EVI5: variants seen among roughly 807,000 people sequenced by gnomAD.
EVI5 encodes the protein ecotropic viral integration site 5 protein homolog.
A neutral mutation model predicts 112.0 loss-of-function variants in EVI5; 73 were observed. That is an observed-to-expected ratio of 0.65 (90% CI 0.54 to 0.79). The LOEUF is 0.79. EVI5 is among the 30% of genes least tolerant of loss of function. The pLI is 0.00. For missense variants in EVI5, 900 were observed against 968.8 expected (o/e 0.93, Z 0.94); for synonymous variants, 305 against 319.9 (o/e 0.95, Z 0.50).
intron 13 of EVI5, among the ~76,000 whole-genome samples, chr1:92,639,383 G>A (rs1204363248): frequency 6.6e-6 from 1 of 151,658 alleles, no homozygotes; most frequent in East Asian, 1.9e-4. Flanking sequence ...TGTATTGGGG[G>A]AAGTTTCTCA....
intron 19 of EVI5, among the ~76,000 whole-genome samples, chr1:92,561,711 C>T (rs981254627): frequency 1.3e-5 from 2 of 151,938 alleles, no homozygotes; most frequent in Non-Finnish European, 2.9e-5. Context: ...GATCTCAGCT[C>T]ACTGCAACCT....
Position 92,624,269 on chromosome 1 carries a change from T to C in EVI5, c.1734A>G (p.Leu578=). The change falls in exon 16 of 20, where the codon TTA becomes TTG. Residue 578 remains leucine, a synonymous_variant. Coordinates refer to ENST00000684568, the MANE Select transcript of EVI5 (RefSeq NM_001350197.2). ...DPPKKNAMNE[L]QDELMTIRLR... is the part of the protein sequence containing the mutation. ...GTCGAATGGTCATCAGTTCATCTTG[T>C]AACTCATTCATAGCATTTTTCTTGG... The C allele has an allele frequency of 6.2e-7, 1 of 1,611,978 alleles. No homozygotes were observed. Among genetic ancestry groups the C allele is most frequent in the Non-Finnish European group, 8.5e-7 (1 of 1,178,040 alleles).
At chr1:92,572,360 G>A (rs1489864861) in intron 18 of EVI5, among the ~76,000 whole-genome samples, 1 of 152,106 alleles carries the variant, frequency 6.6e-6, no homozygotes, top group African/African-American at 2.4e-5. Context: ...GTTTATAGGT[G>A]TTCACTGTAC....
At chr1:92,619,138 T>A (rs1049871584) in intron 16 of EVI5, among the ~76,000 whole-genome samples, 1 of 152,150 alleles carries the variant, frequency 6.6e-6, no homozygotes, top group Admixed American at 6.5e-5. Flanking sequence ...ATCCCGGATG[T>A]GTCTGTGAGG....
upstream of EVI5, among the ~76,000 whole-genome samples, chr1:92,789,549 A>G (rs1685933505): frequency 6.6e-6 from 1 of 152,056 alleles, no homozygotes; most frequent in Non-Finnish European, 1.5e-5. Flanking sequence ...TGATCCGCCC[A>G]CCTCAGCCTC....
intron 18 of EVI5, among the ~76,000 whole-genome samples, chr1:92,594,221 T>C (rs1045514411): frequency 6.6e-6 from 1 of 152,078 alleles, no homozygotes; most frequent in African/African-American, 2.4e-5. Context: ...AACAGAGATA[T>C]AGATTAATGG....
At chr1:92,770,472 A>G (rs927616245) in intron 1 of EVI5, among the ~76,000 whole-genome samples, 4 of 152,224 alleles carry the variant, frequency 2.6e-5, no homozygotes, top group African/African-American at 9.6e-5. Context: ...GACAAGTAAC[A>G]TAATACTACA....
intron 19 of EVI5, among the ~76,000 whole-genome samples, chr1:92,544,079 C>T (rs189033627): frequency 1.3e-4 from 20 of 152,260 alleles, no homozygotes; most frequent in African/African-American, 4.6e-4. Flanking sequence ...TCACAGAAAA[C>T]CACAGGTTCT....
chr1:92,547,783 C>T (rs1194583769), intron 19 of EVI5, among the ~76,000 whole-genome samples: 1 of 152,156 alleles, frequency 6.6e-6, no homozygotes, highest in Non-Finnish European at 1.5e-5. Flanking sequence ...TACACCTTCC[C>T]AAGACTAAAT....
intron 2 of EVI5, among the ~76,000 whole-genome samples, chr1:92,708,406 T>A (rs1672330856): frequency 6.6e-6 from 1 of 151,980 alleles, no homozygotes; most frequent in South Asian, 2.1e-4. Context: ...AAAAGCAAAT[T>A]GAAAACACAA....
In EVI5 at chr1:92,513,773, C is replaced by T. The variant is rs1659417594; in HGVS notation, c.2364G>A (p.Val788=). ...CTGTTTCGCTCTCACTACCATCTGC[C>T]ACTGCGGGGTCCAAAGACATCGAAC... is the stretch of plus-strand genomic sequence containing the variant. The part of the protein sequence containing the change: ...KSGSMSLDPA[V]ADGSESETED... The change falls in exon 20 of 20, where the codon GTG becomes GTA. Residue 788 remains valine, a synonymous_variant. Coordinates refer to ENST00000684568, the MANE Select transcript of EVI5 (RefSeq NM_001350197.2). The T allele has an allele frequency of 6.2e-7, 1 of 1,613,566 alleles. No individual in the cohort carries two copies. The highest frequency in any genetic ancestry group is 1.1e-5 in the South Asian group (1 of 91,042).
intron 13 of EVI5, among the ~76,000 whole-genome samples, chr1:92,657,361 C>T (rs954331923): frequency 3.3e-5 from 5 of 152,172 alleles, no homozygotes; most frequent in African/African-American, 1.2e-4. Context: ...AAAAACCCAA[C>T]GAAACAAAAA....
At position 92,681,768 on chromosome 1, in the gene EVI5, C is replaced by A. The variant is rs1411106147; in HGVS notation, c.1098-4550G>T. ...AGATCTGTATTGTCCAATAGAGTAGCCATTAGCCACATGTGAGTGACTAAT... is the reference window on the plus strand; with the variant it reads ...AGATCTGTATTGTCCAATAGAGTAGACATTAGCCACATGTGAGTGACTAAT... On this transcript the variant is annotated intron_variant, in intron 9 of 19. Coordinates refer to ENST00000684568, the MANE Select transcript of EVI5 (RefSeq NM_001350197.2). Among the ~76,000 whole-genome samples, 3 of 152,102 alleles carry A rather than the reference C, an allele frequency of 2.0e-5. No homozygotes were observed. The East Asian group carries it at 5.8e-4, about 29-fold the overall frequency.
chr1:92,679,781 A>G lies in EVI5; in HGVS notation c.1098-2563T>C, dbSNP rs186786564. Among the ~76,000 whole-genome samples, 33 of 152,334 alleles carry G rather than the reference A, an allele frequency of 2.2e-4. No individual in the cohort carries two copies. In the East Asian group the frequency reaches 5.6e-3, roughly 26 times the overall value. The stretch of plus-strand genomic sequence containing the variant: ...CATTATGTGATCTTCAAAAGGGACC[A>G]TTCCGTCCTTCAAATGGGATTTGTC... On this transcript the variant is annotated intron_variant, in intron 9 of 19. Coordinates refer to ENST00000684568, the MANE Select transcript of EVI5 (RefSeq NM_001350197.2).
At chr1:92,603,963 T>G (rs1371909083) in intron 18 of EVI5, among the ~76,000 whole-genome samples, 1 of 151,990 alleles carries the variant, frequency 6.6e-6, no homozygotes. Flanking sequence ...TTTCAAACTC[T>G]TGGGCTCAAG....
At chr1:92,576,636 C>T (rs1671127325) in intron 18 of EVI5, among the ~76,000 whole-genome samples, 1 of 152,172 alleles carries the variant, frequency 6.6e-6, no homozygotes, top group African/African-American at 2.4e-5. Flanking sequence ...ATGTCTGGTA[C>T]AGAAGTGGCT....
intron 19 of EVI5, among the ~76,000 whole-genome samples, chr1:92,548,983 T>C (rs1304269967): frequency 2.0e-5 from 3 of 152,082 alleles, no homozygotes; most frequent in African/African-American, 7.2e-5. Flanking sequence ...CTTCACAGAA[T>C]TGGAAAAAAC....
intron 19 of EVI5, among the ~76,000 whole-genome samples, chr1:92,551,040 C>CTTTTTTTTTTTTTTTTTTTTTTTTTT (rs55898086): frequency 9.9e-5 from 8 of 80,702 alleles, no homozygotes; most frequent in East Asian, 9.2e-4. Context: ...TTCTTTCTTT[C>CTTTTTTTTTTTTTTTTTTTTTTTTTT]TTTTTTTTTT....
chr1:92,755,840 A>T (rs1680877400), intron 1 of EVI5: 1 of 158,416 alleles, frequency 6.3e-6, no homozygotes, highest in Non-Finnish European at 1.4e-5. Context: ...GATGGCGAGG[A>T]GAGCTGGCTG....
Sources: allele counts gnomAD v4.1 joint callset (sites outside exome capture counted in the v4.1 genomes callset), GRCh38; gene constraint gnomAD v4.1.1; transcripts MANE v1.5; gene names NCBI Gene and HGNC (gene_info 2026-07-23, HGNC 2026-07-21).